The following CSMD1 variants were observed in gnomAD, a reference collection of about 807,000 sequenced individuals.
The protein encoded by CSMD1 is CUB and sushi domain-containing protein 1.
In CSMD1, 213 loss-of-function variants were observed where a neutral mutation model predicts 417.5. The ratio of observed to expected loss-of-function variants is 0.51; its 90% confidence interval spans 0.46 to 0.57. The LOEUF is 0.57. Ranked by LOEUF, CSMD1 falls within the 20% of genes least tolerant of loss-of-function variation. The pLI is 0.00. For missense variants in CSMD1, 6,923 were observed against 4,529.7 expected (o/e 1.53, Z -15.17); for synonymous variants, 2,862 against 1,736.8 (o/e 1.65, Z -16.11).
intron 5 of CSMD1, among the ~76,000 whole-genome samples, chr8:3,791,455 C>T (rs1040132082): frequency 2.0e-5 from 3 of 152,188 alleles, no homozygotes; most frequent in Admixed American, 6.5e-5. Context: ...AGTGCTGATA[C>T]GTAGCTTGTA....
chr8:4,184,313 T>C (rs1404748328), intron 3 of CSMD1, among the ~76,000 whole-genome samples: 1 of 152,182 alleles, frequency 6.6e-6, no homozygotes, highest in East Asian at 1.9e-4. Context: ...TGAGGCTAAC[T>C]CTTAAACATG....
chr8:3,730,750 G>C (rs1401976761), intron 6 of CSMD1, among the ~76,000 whole-genome samples: 1 of 152,080 alleles, frequency 6.6e-6, no homozygotes, highest in Non-Finnish European at 1.5e-5. Flanking sequence ...TATGCAGATA[G>C]GACCAGAGTT....
At chr8:4,314,318 C>T (rs1399452313) in intron 3 of CSMD1, among the ~76,000 whole-genome samples, 4 of 152,288 alleles carry the variant, frequency 2.6e-5, no homozygotes, top group African/African-American at 9.6e-5. Context: ...AAAATACATT[C>T]ACTAGCCCAA....
At chr8:4,194,647 G>A (rs1382192210) in intron 3 of CSMD1, among the ~76,000 whole-genome samples, 1 of 151,876 alleles carries the variant, frequency 6.6e-6, no homozygotes. Context: ...TTCTTGCAAG[G>A]AAAATAAAAA....
chr8:4,158,073 A>G (rs1796936122), intron 3 of CSMD1, among the ~76,000 whole-genome samples: 1 of 144,104 alleles, frequency 6.9e-6, no homozygotes, highest in South Asian at 2.2e-4. Context: ...CTTCCCCATT[A>G]CAATACAAGA....
intron 3 of CSMD1, among the ~76,000 whole-genome samples, chr8:4,280,790 G>A (rs889618934): frequency 2.0e-5 from 3 of 151,968 alleles, no homozygotes. Flanking sequence ...AATATTATTT[G>A]AACGTATGTT....
chr8:3,132,899 C>A (rs887253548), intron 41 of CSMD1, among the ~76,000 whole-genome samples: 5 of 152,180 alleles, frequency 3.3e-5, no homozygotes, highest in African/African-American at 1.2e-4. Flanking sequence ...CCACTCCCAG[C>A]CTTCTGTGCT....
chr8:2,943,019 T>C (rs1450931551), intron 68 of CSMD1, among the ~76,000 whole-genome samples: 3 of 152,162 alleles, frequency 2.0e-5, no homozygotes, highest in Non-Finnish European at 4.4e-5. Flanking sequence ...TGAAATTATG[T>C]AAATATCCCA....
intron 18 of CSMD1, among the ~76,000 whole-genome samples, chr8:3,372,750 G>C (rs62503470): frequency 0.046 from 7,068 of 152,200 alleles, 199 homozygotes; most frequent in Middle Eastern, 0.085. Flanking sequence ...CTGTAGAATG[G>C]CCGACATTAT....
intron 6 of CSMD1, among the ~76,000 whole-genome samples, chr8:3,716,680 C>T (rs955648790): frequency 1.3e-5 from 2 of 152,152 alleles, no homozygotes; most frequent in South Asian, 2.1e-4. Flanking sequence ...GTTCCTTAAC[C>T]TCCTGGGAAT....
At chr8:4,324,435 C>T (rs1376427723) in intron 3 of CSMD1, among the ~76,000 whole-genome samples, 1 of 152,176 alleles carries the variant, frequency 6.6e-6, no homozygotes, top group Non-Finnish European at 1.5e-5. Flanking sequence ...AGAAGCCTAG[C>T]CTTTGTCAGT....
At position 3,901,657 on chromosome 8, in the gene CSMD1, T is replaced by G. The variant is rs143685938; in HGVS notation, c.818+96246A>C. On this transcript the variant is annotated intron_variant, in intron 5 of 69. Coordinates refer to ENST00000635120, the MANE Select transcript of CSMD1 (RefSeq NM_033225.6). ...AACAGTATCTGGCTCCTCCAATTTA[T>G]GTTCACAGAATGTACTTCTGTTTAA... 5.9e-3 allele frequency among the ~76,000 whole-genome samples: 892 copies of G among 152,346 alleles called. 3 individuals are homozygous for G. The highest frequency in any genetic ancestry group is 0.01 in the Non-Finnish European group (693 of 68,032).
chr8:4,112,313 C>T lies in CSMD1; in HGVS notation c.416-80214G>A, dbSNP rs185629034. On this transcript the variant is annotated intron_variant, in intron 3 of 69. Coordinates refer to ENST00000635120, the MANE Select transcript of CSMD1 (RefSeq NM_033225.6). The stretch of plus-strand genomic sequence containing the variant: ...GCCTGCTCCCGCACATTTACACAGA[C>T]TCCACCCTGGCAACGGACACAGGCC... 1.6e-3 allele frequency among the ~76,000 whole-genome samples: 244 copies of T among 152,332 alleles called. 1 individual carries two copies. Among genetic ancestry groups the T allele is most frequent in the African/African-American group, 5.7e-3 (238 of 41,586 alleles).
In CSMD1 at chr8:3,284,270, T is replaced by A. The variant is rs776418740; in HGVS notation, c.4027A>T (p.Ile1343Phe). The change falls in exon 26 of 70, where the codon ATC (isoleucine) becomes TTC (phenylalanine). Residue 1343 changes from isoleucine to phenylalanine, a missense_variant. By Grantham distance (21) the Ile-to-Phe change is conservative. Transcript: ENST00000635120. ...KVWDGPVDSD[I>F]LLKEWSGSAL... The stretch of plus-strand genomic sequence containing the variant: ...GAGCCACTCCACTCCTTCAGCAGGA[T>A]GTCACTGTCCACCGGCCCGTCCCAG... 8 of 1,613,974 alleles carry A rather than the reference T, an allele frequency of 5.0e-6. No homozygotes were observed. The highest frequency in any genetic ancestry group is 1.3e-5 in the African/African-American group (1 of 75,054).
At position 2,938,390 on chromosome 8, in the gene CSMD1, G is replaced by T. The variant is rs563595924; in HGVS notation, c.*195C>A. On this transcript the variant is annotated 3_prime_UTR_variant, in exon 70 of 70. Coordinates refer to ENST00000635120, the MANE Select transcript of CSMD1 (RefSeq NM_033225.6). ...TAGAACCCACTTTTGGAATGAAAAC[G>T]CATGTGTAGTTTGATCCGTAGAAGA... 3.9e-6 allele frequency: 2 copies of T among 509,100 alleles called. No homozygotes were observed. Among genetic ancestry groups the T allele is most frequent in the Non-Finnish European group, 6.8e-6 (2 of 294,748 alleles). 31.5% of individuals were successfully genotyped at this position (509,100 alleles called of 1,614,324 possible).
intron 7 of CSMD1, among the ~76,000 whole-genome samples, chr8:3,661,748 T>G (rs1798430341): frequency 6.6e-6 from 1 of 151,746 alleles, no homozygotes; most frequent in Admixed American, 6.6e-5. Flanking sequence ...TCACCCGCCC[T>G]GGCTTCCCAA....
At chr8:3,486,294 T>C (rs1399822321) in intron 11 of CSMD1, among the ~76,000 whole-genome samples, 2 of 152,170 alleles carry the variant, frequency 1.3e-5, no homozygotes, top group African/African-American at 4.8e-5. Context: ...ACCATTCTAT[T>C]TGATGCAACA....
At chr8:4,794,857 G>A (rs1257338753) in intron 1 of CSMD1, among the ~76,000 whole-genome samples, 1 of 152,146 alleles carries the variant, frequency 6.6e-6, no homozygotes, top group South Asian at 2.1e-4. Flanking sequence ...GACAAGAACT[G>A]GAGTCAGGTG....
At chr8:3,709,526 A>C (rs1801374831) in intron 6 of CSMD1, among the ~76,000 whole-genome samples, 1 of 151,982 alleles carries the variant, frequency 6.6e-6, no homozygotes, top group Admixed American at 6.6e-5. Flanking sequence ...TGATATTAAC[A>C]TTTGAATCAG....
Sources: gnomAD v4.1 joint callset for allele counts (sites outside exome capture counted in the v4.1 genomes callset) on GRCh38, gnomAD v4.1.1 for gene constraint, MANE v1.5 for transcripts, NCBI Gene and HGNC (gene_info 2026-07-23, HGNC 2026-07-21) for gene names.